Variants in SMC2 observed in about 807,000 individuals in gnomAD.
SMC2 encodes structural maintenance of chromosomes 2.
In SMC2, 41 loss-of-function variants were observed where a neutral mutation model predicts 142.6. That is an observed-to-expected ratio of 0.29 (90% confidence interval 0.22 to 0.37). The LOEUF is 0.37. Among genes scored for constraint, SMC2 ranks in the 10% least tolerant of loss-of-function variants. The pLI is 1.00. For missense variants in SMC2, 1,265 were observed against 1,373.7 expected, an observed-to-expected ratio of 0.92 and a Z score of 1.25; for synonymous variants, 463 against 457.5, an observed-to-expected ratio of 1.01 and a Z score of -0.15.
In SMC2 at chr9:104,121,808, G is replaced by C. The variant is rs550656584; in HGVS notation, c.2133-1300G>C. On this transcript the variant is annotated intron_variant, in intron 16 of 24. Transcript: ENST00000374793. ...TTGTCTTTTTCTTTTTTTTTGAGACGGAGTCTCACTCGTCCAGGCTGGAGT... is the reference window on the plus strand; with the variant it reads ...TTGTCTTTTTCTTTTTTTTTGAGACCGAGTCTCACTCGTCCAGGCTGGAGT... 6.8e-4 allele frequency among the ~76,000 whole-genome samples: 104 copies of C among 151,880 alleles called. 1 individual carries two copies. The highest frequency in any genetic ancestry group is 2.4e-3 in the African/African-American group (99 of 41,432).
intron 1 of SMC2, among the ~76,000 whole-genome samples, chr9:104,095,097 C>T (rs763364473): frequency 6.6e-6 from 1 of 152,152 alleles, no homozygotes; most frequent in African/African-American, 2.4e-5. Flanking sequence ...CCTGGAAAAA[C>T]GGGTAGAAGA....
In SMC2 at chr9:104,120,117, G is replaced by C. The variant is rs149999543; in HGVS notation, c.2087G>C (p.Arg696Pro). 1 of 1,613,652 alleles carries C rather than the reference G, an allele frequency of 6.2e-7. No homozygotes were observed. The highest frequency in any genetic ancestry group is 1.7e-5 in the Admixed American group (1 of 59,958). The change falls in exon 16 of 25, where the codon CGG (arginine) becomes CCG (proline). Residue 696 changes from arginine (R) to proline (P), a missense_variant. Physicochemically the swap from Arg to Pro is moderately radical, Grantham distance 103. Around this residue, in one of 4 missense-constraint regions of SMC2, gnomAD observed 898 missense variants for 904.2 expected, o/e 0.99. Coordinates refer to ENST00000374793, the MANE Select transcript of SMC2 (RefSeq NM_006444.3). ...DELRIKENEL[R>P]ALEEELAGLK... The stretch of plus-strand genomic sequence containing the variant: ...CTGAGAATCAAAGAGAATGAGCTGC[G>C]GGCTCTAGAAGAGGAATTAGCAGGT...
At chr9:104,091,856 T>C (rs1403732739), upstream of SMC2, among the ~76,000 whole-genome samples, 3 of 42,082 alleles carry the variant, frequency 7.1e-5, no homozygotes, top group Admixed American at 2.5e-4. Context: ...TGTGTGTCCT[T>C]GCTGGTACTG....
intron 14 of SMC2, among the ~76,000 whole-genome samples, chr9:104,117,775 A>G (rs1377393182): frequency 6.6e-6 from 1 of 152,198 alleles, no homozygotes; most frequent in Non-Finnish European, 1.5e-5. Flanking sequence ...TGTAATACAA[A>G]TATACCAAAA....
intron 1 of SMC2, chr9:104,094,761 C>T (rs910250097): frequency 7.1e-5 from 16 of 226,270 alleles, no homozygotes; most frequent in African/African-American, 2.0e-4. Flanking sequence ...AAATGACTTC[C>T]CCTCCTCCCG....
rs199931888 is a variant in SMC2, at chr9:104,116,208, T to C, written c.1680T>C (p.Gly560=). The part of the protein sequence containing the change: ...YNVVVDTEVT[G]KKLLERGELK... ...TCAAATGTGTGTTGTAGGTTACTGG[T>C]AAAAAGCTACTAGAAAGGGGGGAAC... The change falls in exon 14 of 25, where the codon GGT becomes GGC. Residue 560 remains glycine (G), a synonymous_variant. Coordinates refer to ENST00000374793, the MANE Select transcript of SMC2 (RefSeq NM_006444.3). 6.3e-7 allele frequency: 1 copy of C among 1,593,610 alleles called. No homozygotes were observed. The highest frequency in any genetic ancestry group is 1.4e-5 in the African/African-American group (1 of 73,566).
chr9:104,094,262 C>T (rs1373675188), upstream of SMC2: 6 of 398,330 alleles, frequency 1.5e-5, no homozygotes, highest in Non-Finnish European at 2.2e-5. Flanking sequence ...GGCACCAGCA[C>T]AGGAAATAAG....
At chr9:104,117,844 A>G (rs1018637824) in intron 14 of SMC2, among the ~76,000 whole-genome samples, 2 of 152,210 alleles carry the variant, frequency 1.3e-5, no homozygotes, top group Admixed American at 6.5e-5. Context: ...AATCTGTACT[A>G]TAATTAAAGT....
intron 24 of SMC2, 52 bp from the exon 25 acceptor site, chr9:104,139,087 C>G: frequency 7.7e-7 from 1 of 1,292,374 alleles, no homozygotes; most frequent in East Asian, 2.5e-5. Context: ...AAGGAGTAAA[C>G]TTCAAGTATA....
upstream of SMC2, among the ~76,000 whole-genome samples, chr9:104,093,568 T>C (rs1433013961): frequency 6.6e-6 from 1 of 150,782 alleles, no homozygotes; most frequent in Non-Finnish European, 1.5e-5. Flanking sequence ...TGAACTGTCT[T>C]AAAAGGTTTC....
chr9:104,101,427 T>C (rs1831107124), intron 7 of SMC2, among the ~76,000 whole-genome samples: 4 of 152,220 alleles, frequency 2.6e-5, no homozygotes, highest in Admixed American at 2.6e-4. Context: ...ACTTAGGTCC[T>C]AGACTTCATT....
intron 19 of SMC2, 115 bp from the exon 20 acceptor site, chr9:104,127,171 T>G: frequency 1.4e-6 from 1 of 728,562 alleles, no homozygotes; most frequent in East Asian, 2.7e-5. Context: ...TGATCATCTC[T>G]CTGCCTGTAA....
chr9:104,132,172 A>G, intron 22 of SMC2, 47 bp downstream of exon 22: 1 of 970,246 alleles, frequency 1.0e-6, no homozygotes, highest in Non-Finnish European at 1.6e-6. Context: ...ATGAAAAAAT[A>G]TCATCAGTGG....
At chr9:104,107,906 A>C (rs2122576) in intron 9 of SMC2, among the ~76,000 whole-genome samples, 56,554 of 152,022 alleles carry the variant, frequency 0.37, 10,874 homozygotes, top group Middle Eastern at 0.43. Flanking sequence ...GGTTTTGGGT[A>C]AGTCTTGAGT....
chr9:104,134,466 G>T lies in SMC2; in HGVS notation c.3160G>T (p.Ala1054Ser). The change falls in exon 23 of 25, where the codon GCT becomes TCT. Residue 1054 changes from alanine (A) to serine (S), a missense_variant. Coordinates refer to ENST00000374793, the MANE Select transcript of SMC2 (RefSeq NM_006444.3). ...TTCTACTCTTTTGCCTGGTGCTAATGCTATGCTTGCACCACCAGAGGGTCA... is the reference window on the plus strand; with the variant it reads ...TTCTACTCTTTTGCCTGGTGCTAATTCTATGCTTGCACCACCAGAGGGTCA... ...IFSTLLPGAN[A>S]MLAPPEGQTV... 1 of 1,612,192 alleles carries T rather than the reference G, an allele frequency of 6.2e-7. No homozygotes were observed. The highest frequency in any genetic ancestry group is 1.3e-5 in the African/African-American group (1 of 74,896).
intron 11 of SMC2, 115 bp from the exon 12 acceptor site, chr9:104,113,849 T>C: frequency 1.5e-6 from 1 of 645,284 alleles, no homozygotes; most frequent in South Asian, 2.6e-5. Flanking sequence ...TTTTAATACT[T>C]ACAGAAATTT....
intron 20 of SMC2, 120 bp from the exon 21 acceptor site, chr9:104,129,525 A>C: frequency 1.2e-6 from 1 of 806,208 alleles, no homozygotes; most frequent in Non-Finnish European, 2.0e-6. Flanking sequence ...AAAATTAGTC[A>C]TTGAAGGTTT....
chr9:104,117,041 A>T (rs1473130415), intron 14 of SMC2, among the ~76,000 whole-genome samples: 2 of 152,202 alleles, frequency 1.3e-5, no homozygotes, highest in Non-Finnish European at 2.9e-5. Context: ...ATGTTGTTGT[A>T]TCCTTAGTTA....
intron 24 of SMC2, among the ~76,000 whole-genome samples, 172 bp from the exon 25 acceptor site, chr9:104,138,967 A>G (rs1835836204): frequency 6.6e-6 from 1 of 152,162 alleles, no homozygotes; most frequent in Non-Finnish European, 1.5e-5. Flanking sequence ...TACCCAAAGT[A>G]AAATTAAGAG....
Sources: gnomAD v4.1 joint callset for allele counts (sites outside exome capture counted in the v4.1 genomes callset) on GRCh38, gnomAD v4.1.1 for gene constraint, gnomAD v4.1.1 regional missense constraint, MANE v1.5 for transcripts, NCBI Gene and HGNC (gene_info 2026-07-23, HGNC 2026-07-21) for gene names.